Variants in ZNF607 observed in about 807,000 individuals in gnomAD.
ZNF607 encodes the protein zinc finger protein 607.
ZNF607 carries 5 observed loss-of-function variants against 12.8 expected under a neutral mutation model. The ratio of observed to expected loss-of-function variants is 0.39; its 90% CI spans 0.20 to 0.82. ZNF607 has a LOEUF of 0.82. Among genes scored for constraint, ZNF607 ranks in the 40% least tolerant of loss-of-function variants. ZNF607 has a pLI of 0.39. For synonymous variants in ZNF607, 287 were observed against 276.2 expected, an observed-to-expected ratio of 1.04 and a Z score of -0.39; for missense variants, 851 against 859.2, an observed-to-expected ratio of 0.99 and a Z score of 0.12.
rs1379280718 is a variant in ZNF607 at position 37,699,579 on chromosome 19, G to A, written c.552C>T (p.Asn184=). Residue 184 remains asparagine, a synonymous_variant, in exon 5 of 5, where the codon AAC becomes AAT. Coordinates refer to ENST00000355202, the MANE Select transcript of ZNF607 (RefSeq NM_032689.5). The part of the protein sequence containing the change: ...ECGKVFSYPA[N]LAQHGKVHVE... ...CATGAACTTTCCCATGTTGAGCAAG[G>A]TTTGCAGGATAACTGAAGACCTTCC... 6.2e-7 allele frequency: 1 copy of A among 1,613,990 alleles called. No homozygotes were observed. The highest frequency in any genetic ancestry group is 1.7e-5 in the Admixed American group (1 of 60,002).
At chr19:37,717,733 G>C (rs907557491) in intron 1 of ZNF607, among the ~76,000 whole-genome samples, 7 of 150,120 alleles carry the variant, frequency 4.7e-5, no homozygotes, top group African/African-American at 1.7e-4. Flanking sequence ...TTGAACCCGG[G>C]AGGCGGAGGT....
At chr19:37,717,806 C>CAAAAAAAAAAAAAAAAAAA (rs57152044) in intron 1 of ZNF607, among the ~76,000 whole-genome samples, 1 of 67,096 alleles carries the variant, frequency 1.5e-5, no homozygotes, top group African/African-American at 6.3e-5. Context: ...AACTCAGTCT[C>CAAAAAAAAAAAAAAAAAAA]AAAAAAAAAA....
At chr19:37,704,743 G>A (rs1568404855) in intron 4 of ZNF607, among the ~76,000 whole-genome samples, 1 of 152,182 alleles carries the variant, frequency 6.6e-6, no homozygotes, top group Non-Finnish European at 1.5e-5. Context: ...GGATCACAAG[G>A]TCAGGAGATA....
chr19:37,704,532 A>G (rs1252751321), intron 4 of ZNF607, among the ~76,000 whole-genome samples: 1 of 152,242 alleles, frequency 6.6e-6, no homozygotes, highest in Admixed American at 6.5e-5. Flanking sequence ...AGAAATCAAG[A>G]AGGAAATTAG....
intron 1 of ZNF607, among the ~76,000 whole-genome samples, chr19:37,717,885 CTAAA>C (rs2045191981): frequency 6.7e-6 from 1 of 149,460 alleles, no homozygotes; most frequent in Non-Finnish European, 1.5e-5. Context: ...CACTGTAACT[CTAAA>C]TAGTGTTAAA....
At position 37,719,333 on chromosome 19, in the gene ZNF607, T is replaced by G. The variant is rs1435111740; in HGVS notation, c.-139A>C. ...AGCCGGTCCTGTCGCCGCTGCGCGG[T>G]CTCTCACGCTCCCCGCCTGTCTCCT... is the stretch of plus-strand genomic sequence containing the variant. On this transcript the variant is annotated 5_prime_UTR_variant, in exon 1 of 5. Coordinates refer to ENST00000355202, the MANE Select transcript of ZNF607 (RefSeq NM_032689.5). The G allele has an allele frequency of 2.0e-5, 3 of 153,260 alleles. No individual in the cohort carries two copies. The highest frequency in any genetic ancestry group is 7.2e-5 in the African/African-American group (3 of 41,460). 9.5% of individuals were successfully genotyped at this position (153,260 alleles called of 1,614,324 possible). A position where few individuals can be genotyped will look rare whatever the true frequency, so the allele number is the denominator to read the frequency against.
chr19:37,717,135 G>T (rs914320164), intron 1 of ZNF607, among the ~76,000 whole-genome samples: 7 of 152,100 alleles, frequency 4.6e-5, no homozygotes, highest in African/African-American at 1.7e-4. Context: ...AATCATTTTG[G>T]ATACAATCCT....
chr19:37,704,609 A>C (rs1020083899), intron 4 of ZNF607, among the ~76,000 whole-genome samples: 2 of 152,238 alleles, frequency 1.3e-5, no homozygotes, highest in African/African-American at 4.8e-5. Context: ...CTAACTAATA[A>C]AGAATTACCT....
At position 37,698,652 on chromosome 19, in the gene ZNF607, AGT is replaced by A; in HGVS notation, c.1477_1478del (p.Thr493TyrfsTer9). Reference protein sequence around the residue: ...GKGFSYSHKLTIHRRVHTGEK... With the variant: ...GKGFSYSHKLXIHRRVHTGEK... The stretch of plus-strand genomic sequence containing the variant: ...CACCAGTATGAACTCTGCGATGTAT[AGT>A]GAGTTTATGGCTATAACTAAAACCC... On this transcript the variant is annotated frameshift_variant, in exon 5 of 5. Coordinates refer to ENST00000355202, the MANE Select transcript of ZNF607 (RefSeq NM_032689.5). LOFTEE classifies it low-confidence loss of function (END_TRUNC). 6.2e-7 allele frequency: 1 copy of A among 1,613,060 alleles called. No individual in the cohort carries two copies. Among genetic ancestry groups the A allele is most frequent in the East Asian group, 2.2e-5 (1 of 44,800 alleles).
intron 1 of ZNF607, among the ~76,000 whole-genome samples, chr19:37,712,402 C>T (rs1215808695): frequency 6.6e-6 from 1 of 151,942 alleles, no homozygotes; most frequent in African/African-American, 2.4e-5. Flanking sequence ...TCCCAGCTAC[C>T]CAGGAGGCTG....
intron 4 of ZNF607, among the ~76,000 whole-genome samples, chr19:37,700,924 G>GTA (rs2045033796): frequency 6.6e-6 from 1 of 151,996 alleles, no homozygotes; most frequent in Non-Finnish European, 1.5e-5. Flanking sequence ...AATTATGAGA[G>GTA]TATATATACA....
chr19:37,705,614 G>C (rs2045074931), intron 4 of ZNF607, among the ~76,000 whole-genome samples: 2 of 151,204 alleles, frequency 1.3e-5, no homozygotes, highest in Middle Eastern at 3.4e-3. Context: ...GAACTTGGGA[G>C]GTGGAGGTTG....
chr19:37,698,527 C>A lies in ZNF607; in HGVS notation c.1604G>T (p.Cys535Phe). 6.2e-7 allele frequency: 1 copy of A among 1,611,948 alleles called. No homozygotes were observed. The highest frequency in any genetic ancestry group is 8.5e-7 in the Non-Finnish European group (1 of 1,178,224). ...CCTAAAAGACTTCCCGCATTTGTTGCATTCAAAGGGTTTCTTACCACTGTG... is the reference window on the plus strand; with the variant it reads ...CCTAAAAGACTTCCCGCATTTGTTGAATTCAAAGGGTTTCTTACCACTGTG... ...SIHSGKKPFE[C>F]NKCGKSFRFI... The change falls in exon 5 of 5, where the codon TGC becomes TTC. Residue 535 changes from cysteine to phenylalanine, a missense_variant. By Grantham distance (205) the Cys-to-Phe change is radical. Coordinates refer to ENST00000355202, the MANE Select transcript of ZNF607 (RefSeq NM_032689.5).
intron 4 of ZNF607, among the ~76,000 whole-genome samples, chr19:37,706,988 C>A (rs1361473347): frequency 6.6e-6 from 1 of 152,148 alleles, no homozygotes; most frequent in Non-Finnish European, 1.5e-5. Context: ...CCACACCTAG[C>A]TAATTTTTCA....
At chr19:37,709,890 C>T in intron 2 of ZNF607, 68 bp from the exon 3 acceptor site, 1 of 1,571,862 alleles carries the variant, frequency 6.4e-7, no homozygotes, top group Non-Finnish European at 8.7e-7. Flanking sequence ...GGCACTGTGG[C>T]TCACGCCTGT....
Position 37,696,931 on chromosome 19 carries a change from C to T in ZNF607, c.*1109G>A. The T allele has an allele frequency of 1.5e-6, 1 of 673,080 alleles. No individual in the cohort carries two copies. Among genetic ancestry groups the T allele is most frequent in the Non-Finnish European group, 2.7e-6 (1 of 367,864 alleles). 41.7% of individuals were successfully genotyped at this position (673,080 alleles called of 1,614,324 possible). A position where few individuals can be genotyped will look rare whatever the true frequency, so the allele number is the denominator to read the frequency against. The stretch of plus-strand genomic sequence containing the variant: ...TCCAGAATGAGCCCAAAGGTGGCTG[C>T]TCACTCCATAAGGTTGTTGCTCACC... On this transcript the variant is annotated 3_prime_UTR_variant, in exon 5 of 5. Transcript: ENST00000355202.
Position 37,698,004 on chromosome 19 carries a change from C to T in ZNF607, c.*36G>A. ...GGGATAAATCCATTGACACAATGTG[C>T]TTTCTTTACTACCTGTATATGCCAC... On this transcript the variant is annotated 3_prime_UTR_variant, in exon 5 of 5. Coordinates refer to ENST00000355202, the MANE Select transcript of ZNF607 (RefSeq NM_032689.5). 6.6e-7 allele frequency: 1 copy of T among 1,516,588 alleles called. No individual in the cohort carries two copies. The highest frequency in any genetic ancestry group is 2.3e-5 in the East Asian group (1 of 44,290). 93.9% of individuals were successfully genotyped at this position (1,516,588 alleles called of 1,614,324 possible). A position where few individuals can be genotyped will look rare whatever the true frequency, so the allele number is the denominator to read the frequency against.
At chr19:37,700,004 A>T (rs998833823) in intron 4 of ZNF607, 109 bp from the exon 5 acceptor site, 1 of 1,038,950 alleles carries the variant, frequency 9.6e-7, no homozygotes, top group Non-Finnish European at 1.3e-6. Flanking sequence ...AAATACAGTT[A>T]TAAAATATAA....
chr19:37,707,682 T>C (rs565412218), intron 4 of ZNF607, among the ~76,000 whole-genome samples: 1 of 152,254 alleles, frequency 6.6e-6, no homozygotes, highest in East Asian at 1.9e-4. Context: ...TCAGGTGATC[T>C]GCCCGCCTCG....
Sources: allele counts gnomAD v4.1 joint callset (sites outside exome capture counted in the v4.1 genomes callset), GRCh38; gene constraint gnomAD v4.1.1; transcripts MANE v1.5; gene names NCBI Gene and HGNC (gene_info 2026-07-23, HGNC 2026-07-21).